PCDHGA10: variants seen among roughly 807,000 people sequenced by gnomAD.
PCDHGA10 encodes protocadherin gamma-A10.
PCDHGA10 carries 42 observed loss-of-function variants against 59.5 expected under a neutral mutation model. That is an observed-to-expected ratio of 0.71 (90% CI 0.55 to 0.91). The LOEUF is 0.91. PCDHGA10 is among the 40% of genes least tolerant of loss of function. PCDHGA10 has a pLI of 0.00. For missense variants in PCDHGA10, 1,111 were observed against 1,198.2 expected, an observed-to-expected ratio of 0.93 and a Z score of 1.07; for synonymous variants, 511 against 517.2, an observed-to-expected ratio of 0.99 and a Z score of 0.16.
chr5:141,432,964 G>A lies in PCDHGA10; in HGVS notation c.2436+17353G>A, dbSNP rs2097554835. On this transcript the variant is annotated intron_variant, in intron 1 of 3. Transcript: ENST00000398610. This position sits in a 1 kb window ranked among gnomAD's most constrained non-coding sequence, Gnocchi z 6.0. Reference sequence around the variant, plus strand: ...CTTCAGGAGGCGGCTTGACAGGAGCGCCGGCGTCGCACTTTGTGGGCGTGG... The same window carrying A: ...CTTCAGGAGGCGGCTTGACAGGAGCACCGGCGTCGCACTTTGTGGGCGTGG... The A allele has an allele frequency of 6.2e-7, 1 of 1,614,044 alleles. No homozygotes were observed. Among genetic ancestry groups the A allele is most frequent in the African/African-American group, 1.3e-5 (1 of 74,934 alleles).
chr5:141,489,380 A>T lies in PCDHGA10; in HGVS notation c.2437-5427A>T, dbSNP rs753226956. 1 of 1,613,874 alleles carries T rather than the reference A, an allele frequency of 6.2e-7. No homozygotes were observed. The highest frequency in any genetic ancestry group is 2.2e-5 in the East Asian group (1 of 44,872). On this transcript the variant is annotated intron_variant, in intron 1 of 3. Transcript: ENST00000398610. The surrounding 1 kb of genome is among the most constrained non-coding windows in gnomAD (Gnocchi z 4.5). ...TCTGAGCCGGGGACGCTGGTGGGGA[A>T]TGTTGCTCAGGATCTGGGCTTAAAG... is the stretch of plus-strand genomic sequence containing the variant.
intron 1 of PCDHGA10, among the ~76,000 whole-genome samples, chr5:141,450,233 G>A (rs2098674391): frequency 6.6e-6 from 1 of 152,026 alleles, no homozygotes; most frequent in Non-Finnish European, 1.5e-5. Flanking sequence ...GGCCAGGCTA[G>A]TCTTGAACTC....
rs779686795 is a variant in PCDHGA10, at chr5:141,476,566, G to A, written c.2437-18241G>A. On this transcript the variant is annotated intron_variant, in intron 1 of 3. Coordinates refer to ENST00000398610, the MANE Select transcript of PCDHGA10 (RefSeq NM_018913.3). The surrounding 1 kb of genome is among the most constrained non-coding windows in gnomAD (Gnocchi z 7.6). ...TGGAGATTAGCGAGGCCGTGGCTCC[G>A]GGGACGCGCTTTCCGCTCGAGAGCG... The A allele has an allele frequency of 1.2e-6, 2 of 1,614,062 alleles. No homozygotes were observed. Among genetic ancestry groups the A allele is most frequent in the East Asian group, 2.2e-5 (1 of 44,872 alleles).
chr5:141,472,281 C>A (rs944776124), intron 1 of PCDHGA10, among the ~76,000 whole-genome samples: 2 of 152,202 alleles, frequency 1.3e-5, no homozygotes, highest in Non-Finnish European at 2.9e-5. Context: ...GTGGCTCACA[C>A]CTGTAATCCC....
chr5:141,505,287 TG>T, intron 2 of PCDHGA10, 105 bp from the exon 3 acceptor site: 1 of 1,550,864 alleles, frequency 6.4e-7, no homozygotes, highest in Middle Eastern at 2.1e-4. Context: ...GTCTTGGGCA[TG>T]GGGTAGGGTT....
rs1456184444 is a variant in PCDHGA10, at chr5:141,512,578, C to T, written c.*1405C>T. On this transcript the variant is annotated 3_prime_UTR_variant, in exon 4 of 4. Coordinates refer to ENST00000398610, the MANE Select transcript of PCDHGA10 (RefSeq NM_018913.3). ...ATAGACCTTCTTCTCCCACCCCCTT[C>T]TGCCCCTGGGTCCCCGGCCATCCAG... is the stretch of plus-strand genomic sequence containing the variant. 1 of 152,944 alleles carries T rather than the reference C, an allele frequency of 6.5e-6. No homozygotes were observed. The highest frequency in any genetic ancestry group is 1.5e-5 in the Non-Finnish European group (1 of 68,542). 9.5% of individuals were successfully genotyped at this position (152,944 alleles called of 1,614,324 possible). A position where few individuals can be genotyped will look rare whatever the true frequency, so the allele number is the denominator to read the frequency against.
Position 141,487,858 on chromosome 5 carries a change from G to C in PCDHGA10, c.2437-6949G>C, listed in dbSNP as rs575288726. Reference sequence around the variant, plus strand: ...ATCTGAGTAAGAAATGAAAGTAATTGGTGATCAAGAGCCAGGCTGTTGTGG... The same window carrying C: ...ATCTGAGTAAGAAATGAAAGTAATTCGTGATCAAGAGCCAGGCTGTTGTGG... On this transcript the variant is annotated intron_variant, in intron 1 of 3. Transcript: ENST00000398610. The surrounding 1 kb of genome is among the most constrained non-coding windows in gnomAD (Gnocchi z 5.0). The C allele has an allele frequency of 3.8e-5, 36 of 953,250 alleles. No individual in the cohort carries two copies. The Middle Eastern group carries it at 1.3e-3, about 35-fold the overall frequency. 59.0% of individuals were successfully genotyped at this position (953,250 alleles called of 1,614,324 possible). A position where few individuals can be genotyped will look rare whatever the true frequency, so the allele number is the denominator to read the frequency against.
intron 2 of PCDHGA10, among the ~76,000 whole-genome samples, chr5:141,503,886 T>G (rs150106838): frequency 8.2e-4 from 125 of 152,290 alleles, no homozygotes; most frequent in African/African-American, 2.9e-3. Flanking sequence ...TCACCCACCA[T>G]GACAAAATAT....
At chr5:141,417,628 A>T (rs2096139720) in intron 1 of PCDHGA10, 1 of 692,650 alleles carries the variant, frequency 1.4e-6, no homozygotes, top group Non-Finnish European at 2.3e-6. Context: ...GCAAGCGCTG[A>T]CGCCGGGGAT....
rs566999623 is a variant in PCDHGA10, at chr5:141,414,659, T to A, written c.1484T>A (p.Leu495Gln). ...GAGAATGCCCAGATTATTTACTCCC[T>A]GGCTGAAGACACCATCCAGGGGGTA... ...SKENAQIIYSLAEDTIQGVPL... is the reference protein window; with the variant it reads ...SKENAQIIYSQAEDTIQGVPL... The change falls in exon 1 of 4, where the codon CTG (leucine) becomes CAG (glutamine). Residue 495 changes from leucine to glutamine, a missense_variant. Physicochemically the swap from Leu to Gln is moderately radical, Grantham distance 113. Transcript: ENST00000398610. 6.2e-7 allele frequency: 1 copy of A among 1,614,010 alleles called. No individual in the cohort carries two copies. Among genetic ancestry groups the A allele is most frequent in the South Asian group, 1.1e-5 (1 of 91,080 alleles).
At chr5:141,427,940 C>T (rs1391166364) in intron 1 of PCDHGA10, 1 of 1,585,904 alleles carries the variant, frequency 6.3e-7, no homozygotes. Context: ...TGGTGGGCGA[C>T]CTCAATGACA....
chr5:141,456,301 C>CA (rs761557752), intron 1 of PCDHGA10, among the ~76,000 whole-genome samples: 14 of 152,154 alleles, frequency 9.2e-5, no homozygotes, highest in Non-Finnish European at 1.6e-4. Flanking sequence ...TAATGGAGAA[C>CA]AGCAGCTAGG....
At chr5:141,435,994 G>T (rs1007093302) in intron 1 of PCDHGA10, among the ~76,000 whole-genome samples, 18 of 152,046 alleles carry the variant, frequency 1.2e-4, no homozygotes, top group Admixed American at 1.2e-3. Context: ...GTGATTTTTT[G>T]AAAGAAAGTA....
At chr5:141,510,056 G>C (rs1450505898) in intron 3 of PCDHGA10, among the ~76,000 whole-genome samples, 2 of 152,174 alleles carry the variant, frequency 1.3e-5, no homozygotes. Flanking sequence ...AAGTGATTGT[G>C]CATGTGAAGC....
chr5:141,431,698 ATT>A lies in PCDHGA10; in HGVS notation c.2436+16088_2436+16089del. The A allele has an allele frequency of 6.2e-7, 1 of 1,614,222 alleles. No homozygotes were observed. Among genetic ancestry groups the A allele is most frequent in the South Asian group, 1.1e-5 (1 of 91,090 alleles). ...GGGAGTTGGACCACGAGGAGTCAGG[ATT>A]CTACCAGATGGAAGTGCAAGCAATG... On this transcript the variant is annotated intron_variant, in intron 1 of 3. Transcript: ENST00000398610. The surrounding 1 kb of genome is among the most constrained non-coding windows in gnomAD (Gnocchi z 4.8).
intron 2 of PCDHGA10, among the ~76,000 whole-genome samples, chr5:141,500,194 T>G (rs994324188): frequency 2.1e-4 from 31 of 147,918 alleles, no homozygotes; most frequent in African/African-American, 7.7e-4. Context: ...TTTTATTTAT[T>G]TATTTATTTA....
At chr5:141,463,335 A>G (rs565781645) in intron 1 of PCDHGA10, among the ~76,000 whole-genome samples, 3 of 149,628 alleles carry the variant, frequency 2.0e-5, no homozygotes, top group South Asian at 2.1e-4. Context: ...CAGCAAAACC[A>G]TGGTGTTATT....
intron 1 of PCDHGA10, chr5:141,422,397 C>A (rs753017439): frequency 6.3e-6 from 10 of 1,597,488 alleles, no homozygotes; most frequent in African/African-American, 2.7e-5. Context: ...TTCCTAACCA[C>A]CTGCCTTTTA....
intron 1 of PCDHGA10, chr5:141,478,531 C>A (rs771145308): frequency 8.1e-6 from 13 of 1,608,072 alleles, no homozygotes; most frequent in Admixed American, 5.1e-5. Context: ...GTGCAGAGAG[C>A]GCCCCTCCCG....
Sources: gnomAD v4.1 joint callset for allele counts (sites outside exome capture counted in the v4.1 genomes callset) on GRCh38, gnomAD v4.1.1 for gene constraint, Gnocchi (gnomAD v3.1) non-coding constraint, MANE v1.5 for transcripts, NCBI Gene and HGNC (gene_info 2026-07-23, HGNC 2026-07-21) for gene names.